The following IL1RAPL2 variants were observed in gnomAD, a reference collection of about 807,000 sequenced individuals.
The protein encoded by IL1RAPL2 is interleukin 1 receptor accessory protein like 2.
Under a neutral mutation model 44.1 loss-of-function variants are expected in IL1RAPL2, and 3 were observed. That is an observed-to-expected ratio of 0.07 (90% confidence interval 0.03 to 0.18). The LOEUF (loss-of-function observed/expected upper bound fraction) is 0.18. IL1RAPL2 is among the 10% of genes least tolerant of loss of function. The pLI, the probability that IL1RAPL2 is intolerant of heterozygous loss-of-function variation, is 1.00. For synonymous variants in IL1RAPL2, 181 were observed against 178.8 expected, an observed-to-expected ratio of 1.01 and a Z score of -0.10; for missense variants, 391 against 496.4, an observed-to-expected ratio of 0.79 and a Z score of 2.02.
intron 5 of IL1RAPL2, among the ~76,000 whole-genome samples, chrX:105,304,939 G>A (rs1227358994): frequency 9.0e-6 from 1 of 111,373 alleles, no homozygotes; most frequent in Non-Finnish European, 1.9e-5. Flanking sequence ...TTCTGGGGAG[G>A]CCTCAGGAAA....
chrX:105,086,751 T>C (rs891479615), intron 2 of IL1RAPL2, among the ~76,000 whole-genome samples: 1 of 109,765 alleles, frequency 9.1e-6, no homozygotes, highest in African/African-American at 3.3e-5. Context: ...TTGTACCCCA[T>C]AAATATATAC....
At chrX:104,873,418 A>C (rs1323824522) in intron 2 of IL1RAPL2, among the ~76,000 whole-genome samples, 1 of 111,892 alleles carries the variant, frequency 8.9e-6, no homozygotes, top group Non-Finnish European at 1.9e-5. Context: ...TGCTTCATGT[A>C]AGTTATATTA....
At position 104,757,999 on chromosome X, in the gene IL1RAPL2, T is replaced by C. The variant is rs151111828; in HGVS notation, c.82+99004T>C. ...CTGACAATACAGATGTTTCTGTCCT[T>C]ACATGGAGTTGAATTAATAGAACTA... On this transcript the variant is annotated intron_variant, in intron 2 of 10. Transcript: ENST00000372582. Among the ~76,000 whole-genome samples, 824 of 111,863 alleles carry C rather than the reference T, an allele frequency of 7.4e-3. 17 individuals are homozygous for C. In the East Asian group the frequency reaches 0.096, roughly 13 times the overall value.
intron 6 of IL1RAPL2, among the ~76,000 whole-genome samples, chrX:105,544,404 T>C (rs1202707366): frequency 2.7e-5 from 3 of 111,460 alleles, no homozygotes; most frequent in Non-Finnish European, 5.7e-5. Context: ...CTTCTTTCTT[T>C]CTTTTGATTC....
At chrX:104,816,453 A>G (rs1921138450) in intron 2 of IL1RAPL2, among the ~76,000 whole-genome samples, 2 of 112,203 alleles carry the variant, frequency 1.8e-5, no homozygotes, top group Non-Finnish European at 3.8e-5. Flanking sequence ...TGCTTTCATC[A>G]GTCTCCTTAG....
At chrX:105,065,215 ATTGT>A (rs1158472690) in intron 2 of IL1RAPL2, among the ~76,000 whole-genome samples, 1 of 111,678 alleles carries the variant, frequency 9.0e-6, no homozygotes, top group Admixed American at 9.5e-5. Flanking sequence ...CCACATCGTA[ATTGT>A]TTGAGGGTTC....
At chrX:105,177,130 C>T (rs2033482068) in intron 2 of IL1RAPL2, among the ~76,000 whole-genome samples, 1 of 110,626 alleles carries the variant, frequency 9.0e-6, no homozygotes, top group Non-Finnish European at 1.9e-5. Context: ...GCCAGTGAAG[C>T]TTCATTTGTA....
intron 2 of IL1RAPL2, among the ~76,000 whole-genome samples, chrX:104,737,845 C>T (rs761002855): frequency 1.8e-5 from 2 of 111,896 alleles, no homozygotes; most frequent in South Asian, 7.4e-4. Context: ...TATCATTGCT[C>T]ATGCTATTCT....
chrX:104,703,202 T>C (rs1008283236), intron 2 of IL1RAPL2, among the ~76,000 whole-genome samples: 3 of 111,473 alleles, frequency 2.7e-5, no homozygotes, highest in African/African-American at 9.8e-5. Context: ...AAGACTAGTT[T>C]AAGTTAGGAT....
chrX:104,603,286 C>G (rs543966000), intron 1 of IL1RAPL2, among the ~76,000 whole-genome samples: 1 of 111,483 alleles, frequency 9.0e-6, no homozygotes, highest in Non-Finnish European at 1.9e-5. Flanking sequence ...CACTCAAAGA[C>G]CCCATCTTAA....
chrX:104,854,987 A>G (rs1602761379), intron 2 of IL1RAPL2, among the ~76,000 whole-genome samples: 1 of 112,124 alleles, frequency 8.9e-6, no homozygotes, highest in African/African-American at 3.2e-5. Context: ...TGTTCATTCT[A>G]TTGATGTGGT....
chrX:104,772,769 A>C, intron 2 of IL1RAPL2, among the ~76,000 whole-genome samples: 1 of 112,406 alleles, frequency 8.9e-6, no homozygotes, highest in Non-Finnish European at 1.9e-5. Flanking sequence ...AGCCAAGTTC[A>C]TTCCACTTGT....
At chrX:104,893,960 G>T (rs1171631326) in intron 2 of IL1RAPL2, among the ~76,000 whole-genome samples, 3 of 111,316 alleles carry the variant, frequency 2.7e-5, no homozygotes, top group Non-Finnish European at 5.6e-5. Context: ...CCTCCTTCAG[G>T]AGCTCTTTTA....
chrX:104,877,178 T>C (rs1331390555), intron 2 of IL1RAPL2, among the ~76,000 whole-genome samples: 5 of 111,617 alleles, frequency 4.5e-5, no homozygotes, highest in Admixed American at 9.6e-5. Flanking sequence ...TGAATAATGC[T>C]GCAATAAACA....
At chrX:105,229,304 T>G (rs2034046528) in intron 3 of IL1RAPL2, among the ~76,000 whole-genome samples, 1 of 112,401 alleles carries the variant, frequency 8.9e-6, no homozygotes, top group Non-Finnish European at 1.9e-5. Context: ...AGTTTCAGAC[T>G]GTCAGGCAGC....
In IL1RAPL2 at chrX:104,572,207, G is replaced by T. The variant is rs184294192; in HGVS notation, c.-20+5156G>T. ...TTATTGGTATCACAAAGCTATTATTGCTCTGGGGTCCTGGCTCAGATAGCA... is the reference window on the plus strand; with the variant it reads ...TTATTGGTATCACAAAGCTATTATTTCTCTGGGGTCCTGGCTCAGATAGCA... On this transcript the variant is annotated intron_variant, in intron 1 of 10. Coordinates refer to ENST00000372582, the MANE Select transcript of IL1RAPL2 (RefSeq NM_017416.2). Among the ~76,000 whole-genome samples, 490 of 111,742 alleles carry T rather than the reference G, an allele frequency of 4.4e-3. 1 individual carries two copies. The highest frequency in any genetic ancestry group is 7.9e-3 in the Non-Finnish European group (418 of 53,143).
chrX:105,414,337 C>T lies in IL1RAPL2; in HGVS notation c.698-69976C>T, dbSNP rs761683351. ...GAGACGGGGTTTCACCATATAGGCC[C>T]GGCTGGTCTCACACTCCTGACCTTG... On this transcript the variant is annotated intron_variant, in intron 5 of 10. Transcript: ENST00000372582. Among the ~76,000 whole-genome samples the T allele has an allele frequency of 1.2e-4, 13 of 110,756 alleles. No individual in the cohort carries two copies. In the East Asian group the frequency reaches 3.1e-3, roughly 27 times the overall value.
chrX:104,658,441 A>T (rs980578459), intron 1 of IL1RAPL2, among the ~76,000 whole-genome samples: 8 of 111,710 alleles, frequency 7.2e-5, no homozygotes, highest in Non-Finnish European at 1.3e-4. Flanking sequence ...CAGGGCAGGG[A>T]TCATCACAAA....
At chrX:104,805,374 A>T (rs2147615519) in intron 2 of IL1RAPL2, among the ~76,000 whole-genome samples, 1 of 112,284 alleles carries the variant, frequency 8.9e-6, no homozygotes, top group East Asian at 2.8e-4. Flanking sequence ...TCACTTACAC[A>T]TTGGATTCCT....
Sources: allele counts gnomAD v4.1 joint callset (sites outside exome capture counted in the v4.1 genomes callset), GRCh38; gene constraint gnomAD v4.1.1; transcripts MANE v1.5; gene names NCBI Gene and HGNC (gene_info 2026-07-23, HGNC 2026-07-21).